NHERF1: variants seen among roughly 807,000 people sequenced by gnomAD.
NHERF1 encodes Na(+)/H(+) exchange regulatory cofactor NHE-RF1.
At chr17:74,768,503 C>A in the NHERF1 span, 2 of 1,614,180 alleles carry the variant, frequency 1.2e-6, no homozygotes, top group Non-Finnish European at 1.7e-6. Flanking sequence ...AACAGGACTC[C>A]ACAGCGCCCT....
At chr17:74,759,262 G>A in the NHERF1 span, among the ~76,000 whole-genome samples, 7 of 152,246 alleles carry the variant, frequency 4.6e-5, no homozygotes, top group Non-Finnish European at 4.4e-5. Flanking sequence ...CAGTGCAGGG[G>A]AAGGAAACAG....
chr17:74,750,380 G>A, the NHERF1 span, among the ~76,000 whole-genome samples: 1 of 152,344 alleles, frequency 6.6e-6, no homozygotes, highest in African/African-American at 2.4e-5. Context: ...CCTGGTGGCA[G>A]TGTCTGATGG....
At chr17:74,761,978 T>C in the NHERF1 span, 2 of 1,611,666 alleles carry the variant, frequency 1.2e-6, no homozygotes, top group Non-Finnish European at 1.7e-6. This position sits in a 1 kb window ranked among gnomAD's most constrained non-coding sequence, Gnocchi z 4.3. Context: ...TGGGGCACTG[T>C]GGAATAGCCA....
the NHERF1 span, among the ~76,000 whole-genome samples, chr17:74,767,717 G>A: frequency 1.3e-5 from 2 of 152,166 alleles, no homozygotes; most frequent in East Asian, 1.9e-4. Context: ...GGATTCCTGG[G>A]GTCAAATCCT....
chr17:74,768,487 C>T, the NHERF1 span: 2 of 1,614,016 alleles, frequency 1.2e-6, no homozygotes, highest in African/African-American at 2.7e-5. Flanking sequence ...CAAGACAGCC[C>T]CCCAAAACAG....
chr17:74,760,313 G>A, the NHERF1 span, among the ~76,000 whole-genome samples: 2 of 152,190 alleles, frequency 1.3e-5, no homozygotes, highest in Non-Finnish European at 2.9e-5. This position sits in a 1 kb window ranked among gnomAD's most constrained non-coding sequence, Gnocchi z 4.5. Flanking sequence ...CAAGGCAAGA[G>A]GAGCTTCATT....
At chr17:74,755,078 AG>A in the NHERF1 span, among the ~76,000 whole-genome samples, 1 of 152,310 alleles carries the variant, frequency 6.6e-6, no homozygotes, top group South Asian at 2.1e-4. Flanking sequence ...CTCTGACTCT[AG>A]TGCCTGCACA....
chr17:74,749,161 G>C, the NHERF1 span: 1 of 1,543,548 alleles, frequency 6.5e-7, no homozygotes, highest in East Asian at 2.4e-5. The surrounding 1 kb of genome is among the most constrained non-coding windows in gnomAD (Gnocchi z 5.6). Context: ...TCGGCGTCCA[G>C]GTCCGAGAGG....
At chr17:74,761,654 C>G in the NHERF1 span, among the ~76,000 whole-genome samples, 1 of 151,768 alleles carries the variant, frequency 6.6e-6, no homozygotes, top group African/African-American at 2.4e-5. The surrounding 1 kb of genome is among the most constrained non-coding windows in gnomAD (Gnocchi z 4.3). Context: ...ACTGAGCCAC[C>G]AATGGGGAGG....
At chr17:74,768,604 G>A in the NHERF1 span, 29 of 1,613,980 alleles carry the variant, frequency 1.8e-5, no homozygotes, top group South Asian at 6.6e-5. Flanking sequence ...AGCAGCAAAC[G>A]GGCCCCGCAG....
chr17:74,757,858 T>C, the NHERF1 span, among the ~76,000 whole-genome samples: 1 of 152,202 alleles, frequency 6.6e-6, no homozygotes, highest in South Asian at 2.1e-4. Flanking sequence ...TGGTCTTCTT[T>C]GCATAAACAA....
chr17:74,752,856 A>G, the NHERF1 span, among the ~76,000 whole-genome samples: 2 of 152,218 alleles, frequency 1.3e-5, no homozygotes, highest in Admixed American at 6.5e-5. Flanking sequence ...AAGGGCATCA[A>G]CTGTGGCCTA....
At chr17:74,763,560 C>G in the NHERF1 span, 2 of 1,553,358 alleles carry the variant, frequency 1.3e-6, no homozygotes, top group Admixed American at 1.9e-5. Context: ...GGGGCTGGAG[C>G]CCCCCAAGTC....
the NHERF1 span, among the ~76,000 whole-genome samples, chr17:74,762,879 G>A: frequency 2.6e-5 from 4 of 152,310 alleles, no homozygotes; most frequent in Non-Finnish European, 4.4e-5. The surrounding 1 kb of genome is among the most constrained non-coding windows in gnomAD (Gnocchi z 4.2). Flanking sequence ...TTTTAGACTC[G>A]TGCATTCAGG....
the NHERF1 span, among the ~76,000 whole-genome samples, chr17:74,766,078 G>A: frequency 4.6e-5 from 7 of 152,306 alleles, no homozygotes; most frequent in African/African-American, 7.2e-5. Flanking sequence ...AGCCATCCTC[G>A]AATTTCATCC....
At chr17:74,763,792 G>C in the NHERF1 span, among the ~76,000 whole-genome samples, 1 of 152,204 alleles carries the variant, frequency 6.6e-6, no homozygotes, top group Admixed American at 6.5e-5. Context: ...CTTATTCCCG[G>C]CCAAAGCTGC....
At chr17:74,767,798 C>T in the NHERF1 span, among the ~76,000 whole-genome samples, 1 of 152,150 alleles carries the variant, frequency 6.6e-6, no homozygotes, top group Non-Finnish European at 1.5e-5. Flanking sequence ...CCATGTGTCC[C>T]CACATTCCAA....
the NHERF1 span, chr17:74,761,981 A>T: frequency 1.2e-6 from 2 of 1,612,594 alleles, no homozygotes; most frequent in Non-Finnish European, 1.7e-6. The surrounding 1 kb of genome is among the most constrained non-coding windows in gnomAD (Gnocchi z 4.3). Context: ...GGCACTGTGG[A>T]ATAGCCATGG....
At chr17:74,760,291 G>A in the NHERF1 span, among the ~76,000 whole-genome samples, 1 of 152,168 alleles carries the variant, frequency 6.6e-6, no homozygotes, top group Non-Finnish European at 1.5e-5. The surrounding 1 kb of genome is among the most constrained non-coding windows in gnomAD (Gnocchi z 4.5). Flanking sequence ...GCAGGGGGTG[G>A]GCCAGGGAGA....
Sources: allele counts gnomAD v4.1 joint callset (sites outside exome capture counted in the v4.1 genomes callset), GRCh38; gene constraint gnomAD v4.1.1; non-coding constraint Gnocchi (gnomAD v3.1); transcripts MANE v1.5; gene names NCBI Gene and HGNC (gene_info 2026-07-23, HGNC 2026-07-21).